Variants in EMID1 observed in about 807,000 individuals in gnomAD.
The protein encoded by EMID1 is EMI domain containing 1.
In EMID1, 40 loss-of-function variants were observed where a neutral mutation model predicts 60.6. That is an observed-to-expected ratio of 0.66 (90% CI 0.51 to 0.86). The LOEUF (loss-of-function observed/expected upper bound fraction) is 0.86, where lower values mean the gene tolerates loss of function less well. EMID1 is among the 40% of genes least tolerant of loss of function. EMID1 has a pLI of 0.00. For missense variants in EMID1, 585 were observed against 597.1 expected, an observed-to-expected ratio of 0.98 and a Z score of 0.21; for synonymous variants, 242 against 231.0, an observed-to-expected ratio of 1.05 and a Z score of -0.43.
chr22:29,254,558 T>A (rs1602063127), intron 14 of EMID1: 1 of 395,586 alleles, frequency 2.5e-6, no homozygotes, highest in Non-Finnish European at 4.7e-6. Context: ...TTTCTAGGCC[T>A]GCAGGGAACC....
At chr22:29,219,149 C>T (rs1299111308) in intron 3 of EMID1, among the ~76,000 whole-genome samples, 1 of 152,194 alleles carries the variant, frequency 6.6e-6, no homozygotes, top group African/African-American at 2.4e-5. Context: ...GAGCCGAGCT[C>T]AAACCCGGTC....
chr22:29,228,328 G>GA (rs900749938), intron 5 of EMID1, among the ~76,000 whole-genome samples: 13 of 145,864 alleles, frequency 8.9e-5, no homozygotes, highest in South Asian at 2.2e-4. Flanking sequence ...TCCGTCTCAA[G>GA]AAAAAAAAAA....
chr22:29,225,029 C>G, intron 3 of EMID1, 104 bp from the exon 4 acceptor site: 1 of 1,176,562 alleles, frequency 8.5e-7, no homozygotes, highest in Non-Finnish European at 1.2e-6. Flanking sequence ...CTGTGTCCTA[C>G]GCTGAGGGCA....
At chr22:29,210,243 A>G (rs928906273) in intron 1 of EMID1, among the ~76,000 whole-genome samples, 1 of 132,698 alleles carries the variant, frequency 7.5e-6, no homozygotes, top group African/African-American at 2.7e-5. Context: ...AGGGACCCAC[A>G]TGGCAAATTT....
intron 13 of EMID1, among the ~76,000 whole-genome samples, chr22:29,247,718 T>C (rs750623122): frequency 6.6e-6 from 1 of 151,598 alleles, no homozygotes; most frequent in Non-Finnish European, 1.5e-5. Context: ...GCAACCTCCA[T>C]CTCCAGGTTC....
chr22:29,224,606 G>A (rs897735432), intron 3 of EMID1, among the ~76,000 whole-genome samples: 8 of 152,248 alleles, frequency 5.3e-5, no homozygotes, highest in African/African-American at 1.2e-4. Flanking sequence ...ACCAAGCCAG[G>A]CAGCAAGAGT....
chr22:29,234,174 G>C lies in EMID1; in HGVS notation c.1004G>C (p.Gly335Ala). Reference protein sequence around the residue: ...PGPTGPKGISGHPGEKGERGL... With the variant: ...PGPTGPKGISAHPGEKGERGL... Reference sequence around the variant, plus strand: ...CCCACTGGACCCAAAGGAATCTCTGGCCACCCAGGAGAGAAGGGCGAGAGA... The same window carrying C: ...CCCACTGGACCCAAAGGAATCTCTGCCCACCCAGGAGAGAAGGGCGAGAGA... The change falls in exon 11 of 15, where the codon GGC (glycine) becomes GCC (alanine). Residue 335 changes from glycine (G) to alanine (A), a missense_variant. Gly to Ala is a moderately conservative substitution (Grantham distance 60, BLOSUM62 0). Transcript: ENST00000334018. 2 of 1,602,706 alleles carry C rather than the reference G, an allele frequency of 1.2e-6. No individual in the cohort carries two copies. Among genetic ancestry groups the C allele is most frequent in the Non-Finnish European group, 1.7e-6 (2 of 1,174,340 alleles).
At chr22:29,215,307 A>G in intron 2 of EMID1, 20 of 979,416 alleles carry the variant, frequency 2.0e-5, no homozygotes, top group South Asian at 4.7e-5. Context: ...CCCAGCCTGC[A>G]GGGTCTTCTT....
chr22:29,246,052 T>A (rs904623202), intron 13 of EMID1, among the ~76,000 whole-genome samples: 1 of 152,188 alleles, frequency 6.6e-6, no homozygotes, highest in Non-Finnish European at 1.5e-5. Context: ...CTGTCAACTT[T>A]ATAAACACTT....
chr22:29,227,704 C>CAAAAAAAAAAAAAAAAAAAAAAAAAAAA (rs560219761), intron 5 of EMID1, among the ~76,000 whole-genome samples: 1 of 88,954 alleles, frequency 1.1e-5, no homozygotes, highest in Non-Finnish European at 2.1e-5. Flanking sequence ...GACTCTGTCT[C>CAAAAAAAAAAAAAAAAAAAAAAAAAAAA]AAAAAAAAAA....
chr22:29,231,864 C>T, intron 7 of EMID1, 182 bp downstream of exon 7: 1 of 594,292 alleles, frequency 1.7e-6, no homozygotes, highest in Non-Finnish European at 2.8e-6. Context: ...CTCTTATGTT[C>T]ACTGACCCAC....
At chr22:29,258,706 T>C in intron 14 of EMID1, 111 bp from the exon 15 acceptor site, 1 of 1,469,596 alleles carries the variant, frequency 6.8e-7, no homozygotes, top group East Asian at 2.4e-5. Context: ...CCAGGGTGGA[T>C]TATACCTGGC....
intron 14 of EMID1, chr22:29,255,201 C>A: frequency 2.9e-6 from 2 of 687,378 alleles, no homozygotes; most frequent in Non-Finnish European, 2.3e-6. Flanking sequence ...CCCACCCTCC[C>A]CGCTTGGCTC....
At chr22:29,216,548 A>T in intron 3 of EMID1, 4 of 985,326 alleles carry the variant, frequency 4.1e-6, no homozygotes, top group Non-Finnish European at 4.8e-6. Flanking sequence ...CAGTCTCAGG[A>T]TATACCCCAA....
chr22:29,255,209 C>G, intron 14 of EMID1: 9 of 233,862 alleles, frequency 3.8e-5, no homozygotes, highest in Non-Finnish European at 8.6e-5. Flanking sequence ...CCCCGCTTGG[C>G]TCCCCAGCCC....
chr22:29,242,646 G>A (rs958397713), intron 12 of EMID1, among the ~76,000 whole-genome samples: 27 of 152,216 alleles, frequency 1.8e-4, no homozygotes, highest in Non-Finnish European at 8.8e-5. Flanking sequence ...CTCCTGAAGA[G>A]TATTGAGTTT....
At chr22:29,226,404 C>T in intron 4 of EMID1, 86 bp from the exon 5 acceptor site, 2 of 1,466,456 alleles carry the variant, frequency 1.4e-6, no homozygotes. Flanking sequence ...TGACGCTTTC[C>T]TCCATCCCAA....
intron 4 of EMID1, 23 bp from the exon 5 acceptor site, chr22:29,226,467 C>G: frequency 6.2e-7 from 1 of 1,610,654 alleles, no homozygotes; most frequent in Non-Finnish European, 8.5e-7. Context: ...TGGCCCTGGC[C>G]CCAGCTTCCT....
intron 3 of EMID1, among the ~76,000 whole-genome samples, chr22:29,221,338 A>C (rs1294427839): frequency 6.6e-6 from 1 of 152,050 alleles, no homozygotes; most frequent in Non-Finnish European, 1.5e-5. Context: ...ACCAAACACC[A>C]ATGGGAGGGA....
Sources: allele counts gnomAD v4.1 joint callset (sites outside exome capture counted in the v4.1 genomes callset), GRCh38; gene constraint gnomAD v4.1.1; transcripts MANE v1.5; gene names NCBI Gene and HGNC (gene_info 2026-07-23, HGNC 2026-07-21).